The following MANBA variants were observed in gnomAD, a reference collection of about 807,000 sequenced individuals.
MANBA encodes beta-mannosidase.
A neutral mutation model predicts 111.1 loss-of-function variants in MANBA; 83 were observed. The observed-to-expected ratio is 0.75, with a 90% CI of 0.63 to 0.90. The LOEUF (loss-of-function observed/expected upper bound fraction) is 0.90, where lower values mean the gene tolerates loss of function less well. MANBA is among the 40% of genes least tolerant of loss of function. The pLI is 0.00. For missense variants in MANBA, 1,036 were observed against 1,069.0 expected, an observed-to-expected ratio of 0.97 and a Z score of 0.43; for synonymous variants, 370 against 378.7, an observed-to-expected ratio of 0.98 and a Z score of 0.27.
chr4:102,671,081 T>C (rs975644403), intron 9 of MANBA, 200 bp downstream of exon 9: 1 of 493,860 alleles, frequency 2.0e-6, no homozygotes, highest in East Asian at 3.7e-5. Flanking sequence ...ATTTACAGGA[T>C]ATCTATCATT....
chr4:102,729,145 C>A, intron 1 of MANBA: 1 of 725,060 alleles, frequency 1.4e-6, no homozygotes, highest in Non-Finnish European at 2.6e-6. Context: ...TAACAGCCAG[C>A]CCCCTGTGCT....
intron 1 of MANBA, among the ~76,000 whole-genome samples, chr4:102,748,808 G>T (rs1723679074): frequency 6.6e-6 from 1 of 152,140 alleles, no homozygotes. Flanking sequence ...GGCTACTCGG[G>T]AGGCTGAGGC....
intron 9 of MANBA, chr4:102,670,865 A>C (rs1731463174): frequency 6.4e-6 from 1 of 157,254 alleles, no homozygotes; most frequent in African/African-American, 2.4e-5. Context: ...ATTTTTAACA[A>C]ATTAAAAATA....
chr4:102,648,922 C>A (rs1404259230), intron 13 of MANBA, among the ~76,000 whole-genome samples: 1 of 152,020 alleles, frequency 6.6e-6, no homozygotes, highest in Non-Finnish European at 1.5e-5. Context: ...TGCTCTCTAT[C>A]ATCTTGATTG....
intron 1 of MANBA, chr4:102,730,819 C>T (rs1249435347): frequency 2.4e-6 from 1 of 415,704 alleles, no homozygotes; most frequent in Non-Finnish European, 4.7e-6. Context: ...TGTCCTCAAA[C>T]TCAACTATCT....
At chr4:102,689,553 T>C in intron 7 of MANBA, 21 bp downstream of exon 7, 1 of 1,389,772 alleles carries the variant, frequency 7.2e-7, no homozygotes, top group African/African-American at 1.4e-5. Flanking sequence ...TTTCACAAAA[T>C]ATTTTAAATT....
chr4:102,653,458 A>C (rs1214985310), intron 12 of MANBA, among the ~76,000 whole-genome samples: 1 of 152,208 alleles, frequency 6.6e-6, no homozygotes, highest in African/African-American at 2.4e-5. Context: ...ATATTTTATG[A>C]AAAATCAATG....
chr4:102,726,734 A>G (rs1212908645), intron 1 of MANBA, 51 bp from the exon 2 acceptor site: 2 of 855,436 alleles, frequency 2.3e-6, no homozygotes, highest in Admixed American at 3.7e-5. Context: ...TGCACAAATA[A>G]ATTAATAAAA....
chr4:102,684,493 A>G (rs931500850), intron 7 of MANBA, among the ~76,000 whole-genome samples: 10 of 152,342 alleles, frequency 6.6e-5, no homozygotes, highest in Admixed American at 2.0e-4. Flanking sequence ...TCCGAGTGTT[A>G]TATCAGTAAT....
At chr4:102,757,904 C>T (rs1724087591) in intron 1 of MANBA, among the ~76,000 whole-genome samples, 1 of 152,196 alleles carries the variant, frequency 6.6e-6, no homozygotes, top group Admixed American at 6.5e-5. Flanking sequence ...CCCTCTGGTT[C>T]CCAGGTCTCC....
chr4:102,746,051 T>C (rs1282654942), intron 1 of MANBA, among the ~76,000 whole-genome samples: 2 of 152,200 alleles, frequency 1.3e-5, no homozygotes, highest in African/African-American at 4.8e-5. Flanking sequence ...AGGCAGCGCA[T>C]GGTTTATCTC....
intron 1 of MANBA, among the ~76,000 whole-genome samples, chr4:102,747,739 T>A (rs1723639986): frequency 6.6e-6 from 1 of 152,162 alleles, no homozygotes; most frequent in African/African-American, 2.4e-5. Flanking sequence ...AATCCTTAAA[T>A]TAGTAAATAT....
At chr4:102,759,312 G>A (rs1182638980) in intron 1 of MANBA, among the ~76,000 whole-genome samples, 1 of 151,010 alleles carries the variant, frequency 6.6e-6, no homozygotes, top group East Asian at 1.9e-4. Context: ...AAGCTCTCAC[G>A]TACCAGCACC....
intron 1 of MANBA, chr4:102,729,068 C>T: frequency 5.1e-6 from 4 of 785,562 alleles, no homozygotes; most frequent in South Asian, 1.3e-5. Context: ...AAGCAGTTGC[C>T]ATGCCATGTC....
chr4:102,748,327 A>G (rs1474507066), intron 1 of MANBA, among the ~76,000 whole-genome samples: 1 of 152,228 alleles, frequency 6.6e-6, no homozygotes, highest in African/African-American at 2.4e-5. Context: ...AGTTCTTGGT[A>G]CATAGTGTGC....
At chr4:102,737,294 T>A (rs1231292390) in intron 1 of MANBA, among the ~76,000 whole-genome samples, 1 of 151,792 alleles carries the variant, frequency 6.6e-6, no homozygotes, top group Non-Finnish European at 1.5e-5. Flanking sequence ...TGGGGAGGGG[T>A]GAGGCCTGAG....
At chr4:102,749,672 G>T (rs1014120126) in intron 1 of MANBA, among the ~76,000 whole-genome samples, 5 of 152,192 alleles carry the variant, frequency 3.3e-5, no homozygotes. Context: ...TAACTTTGCT[G>T]AGCCTCAGTC....
intron 13 of MANBA, among the ~76,000 whole-genome samples, chr4:102,646,545 A>G (rs1730112761): frequency 6.6e-6 from 1 of 152,170 alleles, no homozygotes; most frequent in South Asian, 2.1e-4. Context: ...AATAAACAAA[A>G]GCACTAGAAA....
chr4:102,687,274 C>T (rs1351923095), intron 7 of MANBA, among the ~76,000 whole-genome samples: 1 of 152,126 alleles, frequency 6.6e-6, no homozygotes, highest in East Asian at 1.9e-4. Flanking sequence ...TTGTCTGAAT[C>T]ACCACCACAG....
Sources: gnomAD v4.1 joint callset for allele counts (sites outside exome capture counted in the v4.1 genomes callset) on GRCh38, gnomAD v4.1.1 for gene constraint, MANE v1.5 for transcripts, NCBI Gene and HGNC (gene_info 2026-07-23, HGNC 2026-07-21) for gene names.